AP3B1: variants seen among roughly 807,000 people sequenced by gnomAD.
AP3B1 encodes the protein AP-3 complex subunit beta-1.
A neutral mutation model predicts 132.5 loss-of-function variants in AP3B1; 61 were observed. The ratio of observed to expected loss-of-function variants is 0.46; its 90% confidence interval spans 0.37 to 0.57. The LOEUF is 0.57. Ranked by LOEUF, AP3B1 falls within the 20% of genes least tolerant of loss-of-function variation. The pLI is 0.00. For synonymous variants in AP3B1, 388 were observed against 438.3 expected, an observed-to-expected ratio of 0.89 and a Z score of 1.43; for missense variants, 1,120 against 1,289.4, an observed-to-expected ratio of 0.87 and a Z score of 2.01.
At chr5:78,157,544 T>C (rs1031948978) in intron 13 of AP3B1, among the ~76,000 whole-genome samples, 2 of 152,168 alleles carry the variant, frequency 1.3e-5, no homozygotes, top group Non-Finnish European at 2.9e-5. Flanking sequence ...AAACGTAACA[T>C]AACTCACCTG....
intron 11 of AP3B1, among the ~76,000 whole-genome samples, chr5:78,166,024 G>A (rs12655186): frequency 0.03 from 4,605 of 151,610 alleles, 141 homozygotes; most frequent in East Asian, 0.13. Flanking sequence ...GTTGCAGTGA[G>A]CAGGAGAATT....
At chr5:78,229,778 T>C (rs1429037125) in intron 3 of AP3B1, among the ~76,000 whole-genome samples, 2 of 151,762 alleles carry the variant, frequency 1.3e-5, no homozygotes, top group Non-Finnish European at 2.9e-5. Context: ...AAAAGTTATA[T>C]ACTCAAAGAA....
intron 2 of AP3B1, among the ~76,000 whole-genome samples, chr5:78,266,153 C>G (rs1210156181): frequency 6.6e-6 from 1 of 151,956 alleles, no homozygotes; most frequent in East Asian, 1.9e-4. Context: ...TGTACATTAT[C>G]CAAGTACACA....
intron 3 of AP3B1, among the ~76,000 whole-genome samples, chr5:78,228,487 T>TA (rs535735869): frequency 6.1e-4 from 93 of 152,262 alleles, no homozygotes; most frequent in Admixed American, 6.5e-4. Flanking sequence ...TTGAAGGGAA[T>TA]AAAAAATCCC....
chr5:78,179,203 G>A (rs1372765998), intron 8 of AP3B1, among the ~76,000 whole-genome samples: 1 of 152,158 alleles, frequency 6.6e-6, no homozygotes, highest in African/African-American at 2.4e-5. Context: ...ATAAGTATTA[G>A]TAAATGATAG....
intron 24 of AP3B1, among the ~76,000 whole-genome samples, chr5:78,025,648 T>C (rs1747313068): frequency 6.6e-6 from 1 of 152,214 alleles, no homozygotes; most frequent in South Asian, 2.1e-4. Flanking sequence ...AGCCATCTTG[T>C]GATCACGAAG....
intron 7 of AP3B1, among the ~76,000 whole-genome samples, chr5:78,182,712 C>T (rs1199760901): frequency 6.6e-6 from 1 of 152,156 alleles, no homozygotes; most frequent in Non-Finnish European, 1.5e-5. Context: ...TCAAGTGCAG[C>T]CCAACACCAG....
intron 13 of AP3B1, among the ~76,000 whole-genome samples, chr5:78,156,685 C>T (rs1359868244): frequency 6.6e-6 from 1 of 152,144 alleles, no homozygotes; most frequent in East Asian, 1.9e-4. Context: ...ATGTCTTTGG[C>T]TTTTAACCAG....
At chr5:78,218,202 A>G (rs1746038159) in intron 6 of AP3B1, among the ~76,000 whole-genome samples, 1 of 152,096 alleles carries the variant, frequency 6.6e-6, no homozygotes, top group Non-Finnish European at 1.5e-5. Context: ...AAAATTAATA[A>G]TTTTGGTTTA....
intron 7 of AP3B1, among the ~76,000 whole-genome samples, chr5:78,203,803 C>T (rs1745396622): frequency 6.6e-6 from 1 of 152,126 alleles, no homozygotes; most frequent in Admixed American, 6.6e-5. Flanking sequence ...TTTCTACTCC[C>T]TAGACTAGAT....
intron 1 of AP3B1, among the ~76,000 whole-genome samples, chr5:78,274,857 T>G (rs994400737): frequency 6.6e-6 from 1 of 152,058 alleles, no homozygotes; most frequent in African/African-American, 2.4e-5. Context: ...GCCCAGGAGT[T>G]CAAGGCTGCA....
At chr5:78,167,389 G>T (rs1743681065) in intron 11 of AP3B1, among the ~76,000 whole-genome samples, 1 of 152,054 alleles carries the variant, frequency 6.6e-6, no homozygotes, top group African/African-American at 2.4e-5. Flanking sequence ...CACTGTTGGT[G>T]GGAACGTAAA....
At chr5:78,118,912 G>C (rs1752004164) in intron 17 of AP3B1, among the ~76,000 whole-genome samples, 1 of 152,192 alleles carries the variant, frequency 6.6e-6, no homozygotes, top group Non-Finnish European at 1.5e-5. Flanking sequence ...AGCCTAACTG[G>C]GAGGCACCCC....
intron 17 of AP3B1, among the ~76,000 whole-genome samples, chr5:78,121,348 C>A (rs1752182661): frequency 6.6e-6 from 1 of 151,860 alleles, no homozygotes; most frequent in African/African-American, 2.4e-5. Flanking sequence ...AAAATCAGAG[C>A]AGAACTGAAG....
intron 1 of AP3B1, among the ~76,000 whole-genome samples, chr5:78,268,173 A>G (rs562565863): frequency 6.6e-6 from 1 of 152,220 alleles, no homozygotes; most frequent in Non-Finnish European, 1.5e-5. Context: ...CACATACTAT[A>G]AATGTTCACC....
intron 26 of AP3B1, among the ~76,000 whole-genome samples, chr5:78,007,738 C>T (rs1404056468): frequency 6.6e-6 from 1 of 152,090 alleles, no homozygotes; most frequent in Non-Finnish European, 1.5e-5. Flanking sequence ...ACATTTTAAA[C>T]AGGCAGAGAA....
chr5:78,131,032 GTAT>G (rs750296461), intron 15 of AP3B1, among the ~76,000 whole-genome samples: 6 of 151,624 alleles, frequency 4.0e-5, no homozygotes, highest in South Asian at 4.1e-4. Flanking sequence ...ACTGTAAAAT[GTAT>G]TATATTATAA....
chr5:78,131,521 TAAAA>T (rs370502420), intron 15 of AP3B1, among the ~76,000 whole-genome samples: 1 of 152,070 alleles, frequency 6.6e-6, no homozygotes, highest in Non-Finnish European at 1.5e-5. Flanking sequence ...ATGTAGTCAA[TAAAA>T]AGTTTTTACA....
intron 20 of AP3B1, among the ~76,000 whole-genome samples, chr5:78,101,662 G>T (rs1322978465): frequency 6.6e-6 from 1 of 151,916 alleles, no homozygotes; most frequent in Non-Finnish European, 1.5e-5. Context: ...CATATAACTA[G>T]GGCTTCCCCC....
Sources: gnomAD v4.1 joint callset for allele counts (sites outside exome capture counted in the v4.1 genomes callset) on GRCh38, gnomAD v4.1.1 for gene constraint, MANE v1.5 for transcripts, NCBI Gene and HGNC (gene_info 2026-07-23, HGNC 2026-07-21) for gene names.